The following GPAA1 variants were observed in gnomAD, a reference collection of about 807,000 sequenced individuals.
GPAA1 encodes GPI-anchor transamidase component GPAA1.
A neutral mutation model predicts 64.0 loss-of-function variants in GPAA1; 54 were observed. That is an observed-to-expected ratio of 0.84 (90% CI 0.68 to 1.06). The LOEUF (loss-of-function observed/expected upper bound fraction) is 1.06. GPAA1 is among the 50% of genes least tolerant of loss of function. GPAA1 has a pLI of 0.00. For missense variants in GPAA1, 780 were observed against 822.3 expected, an observed-to-expected ratio of 0.95 and a Z score of 0.63; for synonymous variants, 393 against 377.3, an observed-to-expected ratio of 1.04 and a Z score of -0.48.
rs782252524 is a variant in GPAA1, at chr8:144,085,643, C to T, written c.1522C>T (p.Leu508=). The change falls in exon 11 of 12, where the codon CTG becomes TTG. Residue 508 remains leucine (L), a synonymous_variant. Coordinates refer to ENST00000355091, the MANE Select transcript of GPAA1 (RefSeq NM_003801.4). ...LKLVALIYLA[L]QLGCIALTNF... is the part of the protein sequence containing the mutation. Reference sequence around the variant, plus strand: ...GCTGGTAGCCCTGATCTACCTAGCACTGCAGCTGGGCTGCATCGCCCTCAC... The same window carrying T: ...GCTGGTAGCCCTGATCTACCTAGCATTGCAGCTGGGCTGCATCGCCCTCAC... 4.3e-6 allele frequency: 7 copies of T among 1,613,830 alleles called. No homozygotes were observed. Among genetic ancestry groups the T allele is most frequent in the Non-Finnish European group, 5.9e-6 (7 of 1,179,872 alleles).
rs781905290 is a variant in GPAA1 at position 144,084,025 on chromosome 8, G to C, written c.601G>C (p.Asp201His). Residue 201 changes from aspartate to histidine, a missense_variant, in exon 5 of 12, where the codon GAT becomes CAT. Coordinates refer to ENST00000355091, the MANE Select transcript of GPAA1 (RefSeq NM_003801.4). ...TGAGGCTTGGCTTGAAGCCTACCAC[G>C]ATGTCAATGTCACTGGTAGGTTCTC... ...GTEAWLEAYHDVNVTGMQSSP... is the reference protein window; with the variant it reads ...GTEAWLEAYHHVNVTGMQSSP... 2.5e-6 allele frequency: 4 copies of C among 1,612,866 alleles called. No homozygotes were observed. The highest frequency in any genetic ancestry group is 2.5e-6 in the Non-Finnish European group (3 of 1,178,878).
chr8:144,084,976 GT>G, intron 8 of GPAA1, 66 bp from the exon 9 acceptor site: 1 of 1,564,436 alleles, frequency 6.4e-7, no homozygotes, highest in Admixed American at 1.7e-5. Flanking sequence ...GGGTACGGGG[GT>G]GAGCCCTGGG....
Position 144,082,737 on chromosome 8 carries a change from C to A in GPAA1, c.7C>A (p.Leu3Ile). 1 of 1,461,228 alleles carries A rather than the reference C, an allele frequency of 6.8e-7. No individual in the cohort carries two copies. The highest frequency in any genetic ancestry group is 9.0e-7 in the Non-Finnish European group (1 of 1,112,850). The allele number at this position is 1,461,228 out of a possible 1,614,324, so 90.5% of individuals were successfully genotyped here. The change falls in exon 1 of 12, where the codon CTC (leucine) becomes ATC (isoleucine). Residue 3 changes from leucine (L) to isoleucine (I), a missense_variant. By Grantham distance (5) the Leu-to-Ile change is conservative (BLOSUM62 2). Transcript: ENST00000355091. MG[L>I]LSDPVRRRAL... ...CGCGCCGCCCTGCCCCGCCATGGGC[C>A]TCCTGTCGGACCCGGTTCGCCGGCG...
chr8:144,086,166 C>T lies in GPAA1; in HGVS notation c.*41C>T, dbSNP rs1554764395. 6.3e-7 allele frequency: 1 copy of T among 1,586,788 alleles called. No homozygotes were observed. Among genetic ancestry groups the T allele is most frequent in the Admixed American group, 1.7e-5 (1 of 59,160 alleles). On this transcript the variant is annotated 3_prime_UTR_variant, in exon 12 of 12. Transcript: ENST00000355091. The stretch of plus-strand genomic sequence containing the variant: ...GCTGGGACAGAGACTCCCCAAGGAC[C>T]CCATTCTGCCTCCTTCTGGGGAAAT...
chr8:144,086,091 G>T lies in GPAA1; in HGVS notation c.1832G>T (p.Trp611Leu). 6.2e-7 allele frequency: 1 copy of T among 1,613,628 alleles called. No homozygotes were observed. Among genetic ancestry groups the T allele is most frequent in the Non-Finnish European group, 8.5e-7 (1 of 1,179,964 alleles). ...PLLSLGLYPC[W>L]LLFWNVLFWK ...CTGTCCCTGGGCCTCTACCCCTGCT[G>T]GCTGCTTTTCTGGAATGTGCTCTTC... The change falls in exon 12 of 12, where the codon TGG (tryptophan) becomes TTG (leucine). Residue 611 changes from tryptophan (W) to leucine (L), a missense_variant. By Grantham distance (61) the Trp-to-Leu change is moderately conservative. Coordinates refer to ENST00000355091, the MANE Select transcript of GPAA1 (RefSeq NM_003801.4).
rs782603602 is a variant in GPAA1, at chr8:144,084,734, C to T, written c.1023C>T (p.Gly341=). The T allele has an allele frequency of 5.0e-6, 8 of 1,613,750 alleles. No individual in the cohort carries two copies. The South Asian group carries it at 8.8e-5, about 18-fold the overall frequency. ...DLVAVGKALE[G]MFRKLNHLLE... is the part of the protein sequence containing the mutation. ...CCACACCTGACAGGGCTTTGGAGGG[C>T]ATGTTCCGCAAGCTCAACCACCTCC... Residue 341 remains glycine (G), a synonymous_variant, in exon 8 of 12, where the codon GGC becomes GGT. Coordinates refer to ENST00000355091, the MANE Select transcript of GPAA1 (RefSeq NM_003801.4).
At chr8:144,082,852 C>T in intron 1 of GPAA1, 48 bp downstream of exon 1, 1 of 1,313,142 alleles carries the variant, frequency 7.6e-7, no homozygotes, top group Non-Finnish European at 9.8e-7. Flanking sequence ...CCTGGGCTCG[C>T]GCCGGCGGCC....
chr8:144,085,302 C>A lies in GPAA1; in HGVS notation c.1274C>A (p.Ala425Asp). 1 of 1,604,190 alleles carries A rather than the reference C, an allele frequency of 6.2e-7. No individual in the cohort carries two copies. The highest frequency in any genetic ancestry group is 8.5e-7 in the Non-Finnish European group (1 of 1,175,202). The change falls in exon 10 of 12, where the codon GCC becomes GAC. Residue 425 changes from alanine to aspartate, a missense_variant. Ala to Asp is a moderately radical substitution (Grantham distance 126). Transcript: ENST00000355091. ...TGTGCCCTGCAGGGTGTGGGGCTGG[C>A]CTCGCTCGTGGCACCTCTGCTGATC... ...PLPPSQGVGL[A>D]SLVAPLLISQ...
chr8:144,084,148 C>G lies in GPAA1; in HGVS notation c.631C>G (p.Pro211Ala), dbSNP rs782539149. ...TGCTCCTACAGGCATGCAGTCGTCT[C>G]CCCTGCAGGGCCGAGCTGGGGCCAT... ...DVNVTGMQSS[P>A]LQGRAGAIQA... The change falls in exon 6 of 12, where the codon CCC becomes GCC. Residue 211 changes from proline to alanine, a missense_variant. By Grantham distance (27) the Pro-to-Ala change is conservative. Coordinates refer to ENST00000355091, the MANE Select transcript of GPAA1 (RefSeq NM_003801.4). 11 of 1,613,612 alleles carry G rather than the reference C, an allele frequency of 6.8e-6. No individual in the cohort carries two copies. Among genetic ancestry groups the G allele is most frequent in the South Asian group, 1.1e-5 (1 of 91,086 alleles).
chr8:144,084,209 T>TG lies in GPAA1; in HGVS notation c.694dup (p.Val232GlyfsTer12), dbSNP rs782232273. The TG allele has an allele frequency of 1.2e-5, 20 of 1,612,920 alleles. No homozygotes were observed. Among genetic ancestry groups the TG allele is most frequent in the Middle Eastern group, 1.6e-4 (1 of 6,078 alleles). On this transcript the variant is annotated frameshift_variant, in exon 6 of 12. Transcript: ENST00000355091. LOFTEE classifies it high-confidence loss of function. ...GTGGCCCTGGAGCTGAGCAGTGATG[T>TG]GGTCACCAGCCTCGATGTGGCCGTG...
chr8:144,083,931 G>A lies in GPAA1; in HGVS notation c.515-8G>A, dbSNP rs1314672140. 3.7e-6 allele frequency: 6 copies of A among 1,613,174 alleles called. No homozygotes were observed. Among genetic ancestry groups the A allele is most frequent in the Non-Finnish European group, 4.2e-6 (5 of 1,179,290 alleles). Reference sequence around the variant, plus strand: ...CCAGACCCTGCTGATCCTGCTTCTGGCCTCCAGGGCAGATTTATTGGGCCA... The same window carrying A: ...CCAGACCCTGCTGATCCTGCTTCTGACCTCCAGGGCAGATTTATTGGGCCA... On this transcript the variant is annotated splice_polypyrimidine_tract_variant and splice_region_variant and intron_variant, in intron 4 of 11. Coordinates refer to ENST00000355091, the MANE Select transcript of GPAA1 (RefSeq NM_003801.4).
chr8:144,085,823 C>A (rs1835987481), intron 11 of GPAA1, 59 bp from the exon 12 acceptor site: 2 of 1,600,284 alleles, frequency 1.2e-6, no homozygotes, highest in African/African-American at 2.7e-5. Context: ...GCCCTTTCCC[C>A]CAACCTGGTG....
Position 144,084,464 on chromosome 8 carries a change from A to C in GPAA1, c.865A>C (p.Thr289Pro), listed in dbSNP as rs1393431618. 1.2e-6 allele frequency: 2 copies of C among 1,613,120 alleles called. No individual in the cohort carries two copies. The highest frequency in any genetic ancestry group is 2.7e-5 in the African/African-American group (2 of 74,936). ...SLDGPLQGLQTLLLMVLRQAS... is the reference protein window; with the variant it reads ...SLDGPLQGLQPLLLMVLRQAS... ...GGATGGACCGCTGCAGGGCCTGCAG[A>C]CACTGCTGCTCATGGTTCTGCGGCA... Residue 289 changes from threonine (T) to proline (P), a missense_variant, in exon 7 of 12, where the codon ACA becomes CCA. Transcript: ENST00000355091.
chr8:144,083,867 T>C lies in GPAA1; in HGVS notation c.514+6T>C. The C allele has an allele frequency of 1.2e-6, 2 of 1,613,100 alleles. No homozygotes were observed. The highest frequency in any genetic ancestry group is 1.7e-4 in the Middle Eastern group (1 of 6,060). On this transcript the variant is annotated splice_donor_region_variant and intron_variant, in intron 4 of 11. Coordinates refer to ENST00000355091, the MANE Select transcript of GPAA1 (RefSeq NM_003801.4). ...ACTGGCTGCCCACTTCCGGGGTGAG[T>C]CTCAGGGCTGCTGGCCGTGGAGGGG...
rs200864475 is a variant in GPAA1, at chr8:144,084,506, C to T, written c.907C>T (p.His303Tyr). 1.2e-6 allele frequency: 2 copies of T among 1,613,580 alleles called. No homozygotes were observed. Among genetic ancestry groups the T allele is most frequent in the Admixed American group, 1.7e-5 (1 of 60,032 alleles). The change falls in exon 7 of 12, where the codon CAC (histidine) becomes TAC (tyrosine). Residue 303 changes from histidine to tyrosine, a missense_variant. Coordinates refer to ENST00000355091, the MANE Select transcript of GPAA1 (RefSeq NM_003801.4). ...TCTGCGGCAGGCCTCCGGCCGCCCC[C>T]ACGGCTCCCATGGCCTCTTCCTGCG... ...MVLRQASGRP[H>Y]GSHGLFLRYR...
intron 1 of GPAA1, 81 bp downstream of exon 1, chr8:144,082,885 G>A (rs898071897): frequency 1.9e-5 from 22 of 1,153,610 alleles, no homozygotes; most frequent in Non-Finnish European, 2.4e-5. Context: ...CCCATCGAGG[G>A]CCGGGGCCGC....
Position 144,083,406 on chromosome 8 carries a change from G to A in GPAA1, c.272G>A (p.Trp91Ter). 1 of 1,613,792 alleles carries A rather than the reference G, an allele frequency of 6.2e-7. No individual in the cohort carries two copies. Among genetic ancestry groups the A allele is most frequent in the Non-Finnish European group, 8.5e-7 (1 of 1,179,994 alleles). Residue 91 changes from tryptophan (W) to a stop codon, truncating the protein, a stop_gained, in exon 3 of 12, where the codon TGG becomes TAG. Transcript: ENST00000355091. LOFTEE classifies it high-confidence loss of function. Reference sequence around the variant, plus strand: ...GTCTGCAGGGCTCTGCCAGTGGCCTGGCTTGAACGGACGATGCGGTCAGTA... The same window carrying A: ...GTCTGCAGGGCTCTGCCAGTGGCCTAGCTTGAACGGACGATGCGGTCAGTA... ...RKKSGALPVA[W>*]LERTMRSVGL...
intron 3 of GPAA1, 104 bp from the exon 4 acceptor site, chr8:144,083,610 G>A: frequency 3.5e-6 from 5 of 1,420,058 alleles, no homozygotes; most frequent in Non-Finnish European, 4.9e-6. Context: ...TCAGTGGGAG[G>A]GAAATCCCTG....
rs1835928342 is a variant in GPAA1 at position 144,082,701 on chromosome 8, G to A, written c.-30G>A. The stretch of plus-strand genomic sequence containing the variant: ...CGCGGCGGTAGTTGGAGGCGGGAGA[G>A]GGTCCGTAGCCGCGCCGCCCTGCCC... On this transcript the variant is annotated 5_prime_UTR_variant, in exon 1 of 12. Coordinates refer to ENST00000355091, the MANE Select transcript of GPAA1 (RefSeq NM_003801.4). The A allele has an allele frequency of 7.0e-7, 1 of 1,434,274 alleles. No homozygotes were observed. The highest frequency in any genetic ancestry group is 1.4e-5 in the South Asian group (1 of 71,406). 88.8% of individuals were successfully genotyped at this position (1,434,274 alleles called of 1,614,324 possible).
Sources: gnomAD v4.1 joint callset for allele counts on GRCh38, gnomAD v4.1.1 for gene constraint, MANE v1.5 for transcripts, NCBI Gene and HGNC (gene_info 2026-07-23, HGNC 2026-07-21) for gene names.